Variants in KCNIP4 observed in about 807,000 individuals in gnomAD.
KCNIP4 encodes the protein Kv channel-interacting protein 4.
Under a neutral mutation model 34.0 loss-of-function variants are expected in KCNIP4, and 12 were observed. That is an observed-to-expected ratio of 0.35 (90% CI 0.23 to 0.57). The LOEUF is 0.57. KCNIP4 is among the 20% of genes least tolerant of loss of function. The pLI is 0.83. For synonymous variants in KCNIP4, 124 were observed against 102.2 expected (o/e 1.21, Z -1.29); for missense variants, 238 against 311.7 (o/e 0.76, Z 1.78).
intron 1 of KCNIP4, among the ~76,000 whole-genome samples, chr4:21,442,858 T>C (rs1002893833): frequency 6.6e-6 from 1 of 152,198 alleles, no homozygotes; most frequent in Non-Finnish European, 1.5e-5. Flanking sequence ...AAGGTTCATA[T>C]TCAACTGTTC....
At chr4:21,495,597 T>A (rs1732785325) in intron 1 of KCNIP4, among the ~76,000 whole-genome samples, 1 of 152,132 alleles carries the variant, frequency 6.6e-6, no homozygotes, top group East Asian at 1.9e-4. Context: ...ACCTTTTTTT[T>A]TTTCTGTTAC....
chr4:21,634,255 A>G (rs1267752792), intron 1 of KCNIP4, among the ~76,000 whole-genome samples: 1 of 150,330 alleles, frequency 6.7e-6, no homozygotes, highest in Admixed American at 6.7e-5. Context: ...AAACACATAC[A>G]TACATACTTT....
intron 1 of KCNIP4, among the ~76,000 whole-genome samples, chr4:20,914,102 A>C (rs1158906247): frequency 6.6e-6 from 1 of 152,120 alleles, no homozygotes; most frequent in Non-Finnish European, 1.5e-5. Flanking sequence ...GGTTGCAGTC[A>C]GCCAAGATTG....
chr4:21,551,744 T>C (rs1014753578), intron 1 of KCNIP4, among the ~76,000 whole-genome samples: 2 of 152,090 alleles, frequency 1.3e-5, no homozygotes, highest in Middle Eastern at 3.2e-3. Flanking sequence ...TCTTTAGACC[T>C]TAGTTCCTTT....
At chr4:21,088,353 T>G (rs982482598) in intron 1 of KCNIP4, among the ~76,000 whole-genome samples, 1 of 152,134 alleles carries the variant, frequency 6.6e-6, no homozygotes, top group East Asian at 1.9e-4. Flanking sequence ...TTCCTAAATA[T>G]CTCTTATATT....
intron 1 of KCNIP4, among the ~76,000 whole-genome samples, chr4:21,696,457 A>G (rs1712330546): frequency 1.3e-5 from 2 of 152,172 alleles, no homozygotes; most frequent in Admixed American, 6.5e-5. Flanking sequence ...ATTAAAGAAA[A>G]CAAATATAGG....
chr4:21,159,167 A>C (rs1753389284), intron 1 of KCNIP4, among the ~76,000 whole-genome samples: 1 of 152,306 alleles, frequency 6.6e-6, no homozygotes, highest in East Asian at 1.9e-4. Context: ...TTAAAAGAAA[A>C]GAAAGAACAA....
chr4:20,806,061 T>C (rs1035357299), intron 3 of KCNIP4, among the ~76,000 whole-genome samples: 8 of 152,230 alleles, frequency 5.3e-5, no homozygotes, highest in Admixed American at 5.2e-4. Context: ...TGTTCCATTA[T>C]TTCTAGTTTC....
intron 1 of KCNIP4, among the ~76,000 whole-genome samples, chr4:21,292,541 A>T (rs1457834753): frequency 6.6e-6 from 1 of 152,084 alleles, no homozygotes; most frequent in African/African-American, 2.4e-5. Context: ...TAAAACTATG[A>T]CTGCGAATCT....
intron 1 of KCNIP4, among the ~76,000 whole-genome samples, chr4:21,251,384 A>T (rs149051505): frequency 1.9e-3 from 292 of 152,266 alleles, no homozygotes; most frequent in Middle Eastern, 0.01. Flanking sequence ...AAAACAAATT[A>T]AAAAATGCAC....
intron 1 of KCNIP4, chr4:21,845,261 C>G (rs192255768): frequency 4.6e-5 from 7 of 152,210 alleles, no homozygotes; most frequent in Admixed American, 4.6e-4. Flanking sequence ...TTACTCAACT[C>G]TGCTGGCATA....
intron 1 of KCNIP4, among the ~76,000 whole-genome samples, chr4:21,502,907 T>C (rs1271045970): frequency 6.6e-6 from 1 of 152,146 alleles, no homozygotes; most frequent in Non-Finnish European, 1.5e-5. Flanking sequence ...ATACCCATAG[T>C]TTGTTGAATC....
intron 1 of KCNIP4, among the ~76,000 whole-genome samples, chr4:21,561,654 CA>C (rs1312123443): frequency 1.3e-5 from 2 of 151,666 alleles, no homozygotes; most frequent in Non-Finnish European, 2.9e-5. Context: ...CTAAAAAAAT[CA>C]GACAAAAAAG....
chr4:21,719,364 C>T (rs548441356), intron 1 of KCNIP4, among the ~76,000 whole-genome samples: 5 of 152,212 alleles, frequency 3.3e-5, no homozygotes, highest in South Asian at 2.1e-4. Context: ...TGCTAACAGA[C>T]GTTGCATAGA....
At chr4:21,118,856 A>G (rs1749906591) in intron 1 of KCNIP4, among the ~76,000 whole-genome samples, 1 of 152,172 alleles carries the variant, frequency 6.6e-6, no homozygotes, top group African/African-American at 2.4e-5. Context: ...AAGGAGACAG[A>G]GGCTTGACTT....
At chr4:21,267,195 A>G (rs1026826179) in intron 1 of KCNIP4, among the ~76,000 whole-genome samples, 5 of 152,198 alleles carry the variant, frequency 3.3e-5, no homozygotes, top group Non-Finnish European at 5.9e-5. Context: ...GTCCAGCTAG[A>G]AGAATATTCA....
At chr4:21,208,589 T>C (rs1757012145) in intron 1 of KCNIP4, among the ~76,000 whole-genome samples, 1 of 152,192 alleles carries the variant, frequency 6.6e-6, no homozygotes, top group Non-Finnish European at 1.5e-5. Context: ...TTTTTTCTGG[T>C]CATTGACGGT....
At chr4:21,771,455 TA>T (rs1473100266) in intron 1 of KCNIP4, among the ~76,000 whole-genome samples, 5 of 152,130 alleles carry the variant, frequency 3.3e-5, no homozygotes, top group African/African-American at 4.8e-5. Context: ...AAATTGAAAA[TA>T]TTTTTTTTCC....
chr4:21,701,049 C>T (rs930165046), intron 1 of KCNIP4, among the ~76,000 whole-genome samples: 7 of 152,090 alleles, frequency 4.6e-5, no homozygotes, highest in African/African-American at 1.7e-4. Context: ...GGTATATATA[C>T]ACATTGGAAT....
Sources: allele counts gnomAD v4.1 joint callset (sites outside exome capture counted in the v4.1 genomes callset), GRCh38; gene constraint gnomAD v4.1.1; transcripts MANE v1.5; gene names NCBI Gene and HGNC (gene_info 2026-07-23, HGNC 2026-07-21).